Variants in OMA1 observed in about 807,000 individuals in gnomAD.
The protein encoded by OMA1 is OMA1 zinc metallopeptidase.
Under a neutral mutation model 30.9 loss-of-function variants are expected in OMA1, and 38 were observed. That is an observed-to-expected ratio of 1.23 (90% CI 0.95 to 1.61). OMA1 has a LOEUF of 1.61. OMA1 is among the 40% of genes most tolerant of loss of function. The pLI is 0.00. For missense variants in OMA1, 461 were observed against 349.2 expected, an observed-to-expected ratio of 1.32 and a Z score of -2.55; for synonymous variants, 173 against 121.9, an observed-to-expected ratio of 1.42 and a Z score of -2.76.
intron 6 of OMA1, among the ~76,000 whole-genome samples, chr1:58,530,222 A>G (rs1376749937): frequency 6.6e-6 from 1 of 152,208 alleles, no homozygotes; most frequent in Non-Finnish European, 1.5e-5. Context: ...GCATACTCAG[A>G]TTTTGGTATC....
intron 1 of OMA1, among the ~76,000 whole-genome samples, chr1:58,544,993 G>C (rs766080560): frequency 1.3e-5 from 2 of 152,058 alleles, no homozygotes; most frequent in Non-Finnish European, 2.9e-5. Flanking sequence ...ATACTGCACT[G>C]CGAAGTGTTG....
intron 7 of OMA1, among the ~76,000 whole-genome samples, chr1:58,512,520 A>G (rs1244799365): frequency 2.0e-5 from 3 of 152,244 alleles, no homozygotes; most frequent in African/African-American, 7.2e-5. Flanking sequence ...GCGAATGAAC[A>G]GATTAAGAAA....
intron 7 of OMA1, among the ~76,000 whole-genome samples, chr1:58,526,982 AACTG>A (rs1329820652): frequency 1.3e-5 from 2 of 152,176 alleles, no homozygotes; most frequent in Non-Finnish European, 2.9e-5. Context: ...TCCAATCAAG[AACTG>A]ACTTTCTTTT....
chr1:58,516,863 T>C (rs1646165326), intron 7 of OMA1, among the ~76,000 whole-genome samples: 1 of 152,156 alleles, frequency 6.6e-6, no homozygotes, highest in Admixed American at 6.5e-5. Flanking sequence ...CAAGAGCACA[T>C]GCATCTATGT....
At chr1:58,519,880 G>A (rs188049252) in intron 7 of OMA1, among the ~76,000 whole-genome samples, 133 of 152,214 alleles carry the variant, frequency 8.7e-4, no homozygotes, top group African/African-American at 3.2e-3. Flanking sequence ...CAAAGTAACT[G>A]AAATTTAAAA....
chr1:58,534,704 G>C (rs1215342906), intron 3 of OMA1, among the ~76,000 whole-genome samples: 1 of 152,224 alleles, frequency 6.6e-6, no homozygotes, highest in Non-Finnish European at 1.5e-5. Context: ...GGAGGCCAAG[G>C]CAGGAGGATC....
intron 2 of OMA1, among the ~76,000 whole-genome samples, chr1:58,537,396 AAT>A (rs1646534606): frequency 6.6e-6 from 1 of 152,334 alleles, no homozygotes; most frequent in African/African-American, 2.4e-5. Flanking sequence ...TCATTTTGGA[AAT>A]AAATAGTGCT....
chr1:58,483,018 T>C (rs1397708190), intron 8 of OMA1, among the ~76,000 whole-genome samples: 1 of 152,206 alleles, frequency 6.6e-6, no homozygotes, highest in Non-Finnish European at 1.5e-5. Context: ...ACACTACTAC[T>C]TAAAATCTGT....
intron 8 of OMA1, among the ~76,000 whole-genome samples, chr1:58,505,421 G>A (rs1253503597): frequency 6.6e-6 from 1 of 152,074 alleles, no homozygotes; most frequent in Admixed American, 6.6e-5. Flanking sequence ...GTCCTGATAT[G>A]GAAACCATAA....
At chr1:58,489,986 T>C (rs1345557552) in intron 8 of OMA1, among the ~76,000 whole-genome samples, 3 of 151,914 alleles carry the variant, frequency 2.0e-5, no homozygotes, top group East Asian at 1.9e-4. Flanking sequence ...ACCATAAAGA[T>C]GGGGAAAAAA....
At chr1:58,499,314 CAAAAAAAAAAA>C (rs58217798) in intron 8 of OMA1, among the ~76,000 whole-genome samples, 2 of 69,744 alleles carry the variant, frequency 2.9e-5, no homozygotes, top group African/African-American at 4.9e-5. Context: ...CACATCTCTA[CAAAAAAAAAAA>C]AAAAAAAAAA....
At chr1:58,489,035 T>C (rs2100368088) in intron 8 of OMA1, among the ~76,000 whole-genome samples, 1 of 152,318 alleles carries the variant, frequency 6.6e-6, no homozygotes, top group South Asian at 2.1e-4. Context: ...AGACGAACGA[T>C]TTCTCCATTT....
intron 1 of OMA1, among the ~76,000 whole-genome samples, chr1:58,543,004 T>G (rs928839705): frequency 1.3e-5 from 2 of 148,698 alleles, no homozygotes; most frequent in Non-Finnish European, 3.0e-5. Flanking sequence ...AAAAAAAAAG[T>G]GGATCCACAG....
intron 8 of OMA1, among the ~76,000 whole-genome samples, chr1:58,501,505 C>G (rs1225805462): frequency 6.6e-6 from 1 of 152,168 alleles, no homozygotes; most frequent in Non-Finnish European, 1.5e-5. Context: ...AAGGCCCACG[C>G]CCTCCCCCTT....
intron 7 of OMA1, among the ~76,000 whole-genome samples, chr1:58,521,696 T>C (rs1646267059): frequency 6.6e-6 from 1 of 151,992 alleles, no homozygotes; most frequent in Non-Finnish European, 1.5e-5. Context: ...CTAGAAAAAC[T>C]ACAAAAACTG....
At chr1:58,519,247 T>C (rs1220787151) in intron 7 of OMA1, among the ~76,000 whole-genome samples, 2 of 152,200 alleles carry the variant, frequency 1.3e-5, no homozygotes, top group Admixed American at 1.3e-4. Context: ...GTTTTTTATT[T>C]TTGTGGGCAC....
chr1:58,502,353 T>C (rs909622071), intron 8 of OMA1, among the ~76,000 whole-genome samples: 3 of 152,220 alleles, frequency 2.0e-5, no homozygotes, highest in African/African-American at 7.2e-5. Flanking sequence ...AAATATGCAA[T>C]ACTGTTACTT....
chr1:58,492,443 C>T (rs896611815), intron 8 of OMA1, among the ~76,000 whole-genome samples: 10 of 151,946 alleles, frequency 6.6e-5, no homozygotes, highest in African/African-American at 2.4e-4. Context: ...AATAGAGACA[C>T]AAAAAACCCT....
intron 7 of OMA1, among the ~76,000 whole-genome samples, chr1:58,514,962 A>C (rs916066587): frequency 3.9e-5 from 6 of 152,160 alleles, no homozygotes; most frequent in Admixed American, 6.5e-5. Context: ...GAAGATCAAA[A>C]GAATAAATAC....
Sources: allele counts gnomAD v4.1 joint callset (sites outside exome capture counted in the v4.1 genomes callset), GRCh38; gene constraint gnomAD v4.1.1; transcripts MANE v1.5; gene names NCBI Gene and HGNC (gene_info 2026-07-23, HGNC 2026-07-21).